The following KCNIP3 variants were observed in gnomAD, a reference collection of about 807,000 sequenced individuals.
KCNIP3 encodes calsenilin.
In KCNIP3, 28 loss-of-function variants were observed where a neutral mutation model predicts 35.0. The observed-to-expected ratio is 0.80, with a 90% confidence interval of 0.59 to 1.10. The LOEUF (loss-of-function observed/expected upper bound fraction) is 1.10. KCNIP3 is among the 50% of genes least tolerant of loss of function. The pLI is 0.00. For synonymous variants in KCNIP3, 134 were observed against 133.8 expected, an observed-to-expected ratio of 1.00 and a Z score of -0.01; for missense variants, 295 against 338.4, an observed-to-expected ratio of 0.87 and a Z score of 1.01.
intron 2 of KCNIP3, among the ~76,000 whole-genome samples, chr2:95,357,972 G>A (rs533067241): frequency 1.3e-5 from 2 of 152,344 alleles, no homozygotes; most frequent in African/African-American, 4.8e-5. Flanking sequence ...GCACCAAGGG[G>A]ACCTTGACCA....
chr2:95,348,265 C>G (rs1016602297), intron 2 of KCNIP3, among the ~76,000 whole-genome samples: 2 of 152,340 alleles, frequency 1.3e-5, no homozygotes, highest in South Asian at 4.1e-4. Flanking sequence ...TTCGCTCGGC[C>G]GGATGCTGGC....
At chr2:95,339,589 A>G (rs1558767715) in intron 2 of KCNIP3, among the ~76,000 whole-genome samples, 2 of 152,126 alleles carry the variant, frequency 1.3e-5, no homozygotes, top group Non-Finnish European at 2.9e-5. Context: ...GTCAAAAAAA[A>G]AAAAAGATTG....
At chr2:95,302,059 T>C (rs568879765) in intron 1 of KCNIP3, among the ~76,000 whole-genome samples, 23 of 152,186 alleles carry the variant, frequency 1.5e-4, no homozygotes, top group African/African-American at 4.6e-4. Context: ...CCCCATTCCA[T>C]ACCCTGGGGC....
Position 95,370,950 on chromosome 2 carries a change from G to A in KCNIP3, c.182-3346G>A, listed in dbSNP as rs142890203. ...TAACTTTTTTTTTTTTGTATTTTTA[G>A]TAGAGACAGGGTTTCGCCATGTTGG... is the stretch of plus-strand genomic sequence containing the variant. On this transcript the variant is annotated intron_variant, in intron 2 of 8. Transcript: ENST00000295225. Among the ~76,000 whole-genome samples, 26 of 151,402 alleles carry A rather than the reference G, an allele frequency of 1.7e-4. No homozygotes were observed. The East Asian group carries it at 4.9e-3, about 28-fold the overall frequency.
chr2:95,356,190 GTTGT>G (rs946501175), intron 2 of KCNIP3, among the ~76,000 whole-genome samples: 8 of 152,178 alleles, frequency 5.3e-5, no homozygotes, highest in East Asian at 1.9e-4. Context: ...TTTTGATGGG[GTTGT>G]TTGTTTTTTT....
At chr2:95,313,682 A>C (rs1416653002) in intron 2 of KCNIP3, 1 of 152,170 alleles carries the variant, frequency 6.6e-6, no homozygotes, top group East Asian at 1.9e-4. Flanking sequence ...CAACTGGAAT[A>C]ATAATGTCAC....
chr2:95,305,008 G>A (rs1295027312), intron 1 of KCNIP3, among the ~76,000 whole-genome samples: 6 of 152,188 alleles, frequency 3.9e-5, no homozygotes, highest in Non-Finnish European at 5.9e-5. Flanking sequence ...GCCTAGGGCC[G>A]TTTCTGGGAC....
chr2:95,381,917 C>G (rs1204569770), intron 6 of KCNIP3, among the ~76,000 whole-genome samples: 9 of 152,166 alleles, frequency 5.9e-5, no homozygotes, highest in Admixed American at 3.9e-4. Flanking sequence ...TACCCTGTAC[C>G]ACACATCTCG....
At chr2:95,328,780 G>A (rs907724531) in intron 2 of KCNIP3, among the ~76,000 whole-genome samples, 4 of 152,272 alleles carry the variant, frequency 2.6e-5, no homozygotes, top group Non-Finnish European at 5.9e-5. Context: ...GACTCTTGGG[G>A]TGGGGAAGAG....
At chr2:95,341,701 G>A (rs1198313601) in intron 2 of KCNIP3, among the ~76,000 whole-genome samples, 1 of 152,208 alleles carries the variant, frequency 6.6e-6, no homozygotes, top group Non-Finnish European at 1.5e-5. Context: ...GTTGGGACCA[G>A]GAACTCAGCC....
chr2:95,348,077 G>C (rs1338941216), intron 2 of KCNIP3, among the ~76,000 whole-genome samples: 1 of 152,242 alleles, frequency 6.6e-6, no homozygotes, highest in African/African-American at 2.4e-5. Flanking sequence ...GTCCAGGGCT[G>C]GCCCTTTTCC....
At chr2:95,300,037 GCT>G (rs1677982739) in intron 1 of KCNIP3, among the ~76,000 whole-genome samples, 1 of 152,238 alleles carries the variant, frequency 6.6e-6, no homozygotes, top group Non-Finnish European at 1.5e-5. Context: ...TTTGAACCCT[GCT>G]CTGTCTTACT....
chr2:95,307,840 C>A (rs1678215537), intron 1 of KCNIP3, among the ~76,000 whole-genome samples: 1 of 152,240 alleles, frequency 6.6e-6, no homozygotes, highest in Admixed American at 6.5e-5. Context: ...CTGCTCACCC[C>A]CCACGCAGAG....
rs1428994091 is a variant in KCNIP3, at chr2:95,384,720, G to C, written c.*671G>C. On this transcript the variant is annotated 3_prime_UTR_variant, in exon 9 of 9. Transcript: ENST00000295225. ...CCACTGTGGGGCAAGCCTGAGTGGT[G>C]AGGGGCCACTGGGCCCCATTCTCCC... is the stretch of plus-strand genomic sequence containing the variant. 6.6e-6 allele frequency: 1 copy of C among 152,368 alleles called. No homozygotes were observed. The highest frequency in any genetic ancestry group is 2.4e-5 in the African/African-American group (1 of 41,456). The allele number at this position is 152,368 out of a possible 1,614,324, so 9.4% of individuals were successfully genotyped here.
At chr2:95,325,696 CTCATACATACACACAG>C (rs1261644310) in intron 2 of KCNIP3, among the ~76,000 whole-genome samples, 6 of 150,774 alleles carry the variant, frequency 4.0e-5, no homozygotes, top group Non-Finnish European at 7.4e-5. Context: ...CACATACACA[CTCATACATACACACAG>C]TCATACACTT....
intron 8 of KCNIP3, 110 bp from the exon 9 acceptor site, chr2:95,383,892 A>G (rs1388675011): frequency 1.1e-6 from 1 of 926,806 alleles, no homozygotes; most frequent in East Asian, 2.4e-5. Context: ...AATAAGACAG[A>G]CAGACAGGCA....
intron 2 of KCNIP3, among the ~76,000 whole-genome samples, chr2:95,333,608 C>A: frequency 6.6e-6 from 1 of 152,162 alleles, no homozygotes; most frequent in Admixed American, 6.5e-5. Flanking sequence ...GTCCTGTAGC[C>A]TCTGTTGGTT....
intron 7 of KCNIP3, 65 bp from the exon 8 acceptor site, chr2:95,383,167 C>T (rs1480275775): frequency 1.5e-6 from 2 of 1,342,760 alleles, no homozygotes; most frequent in Non-Finnish European, 2.1e-6. Context: ...TCTGCGTCCT[C>T]AGGCCAGGGG....
intron 2 of KCNIP3, among the ~76,000 whole-genome samples, chr2:95,333,355 G>C (rs1678979401): frequency 1.3e-5 from 2 of 152,178 alleles, no homozygotes; most frequent in African/African-American, 4.8e-5. Flanking sequence ...ATGAACCTAG[G>C]CCTCTTCTAA....
Sources: allele counts gnomAD v4.1 joint callset (sites outside exome capture counted in the v4.1 genomes callset), GRCh38; gene constraint gnomAD v4.1.1; transcripts MANE v1.5; gene names NCBI Gene and HGNC (gene_info 2026-07-23, HGNC 2026-07-21).